The following DKK3 variants were observed in gnomAD, a reference collection of about 807,000 sequenced individuals.
DKK3 encodes dickkopf-related protein 3.
A neutral mutation model predicts 33.2 loss-of-function variants in DKK3; 22 were observed. The observed-to-expected ratio is 0.66, with a 90% CI of 0.47 to 0.95. The LOEUF is 0.95. DKK3 is among the 40% of genes least tolerant of loss of function. DKK3 has a pLI of 0.00. For synonymous variants in DKK3, 194 were observed against 188.8 expected (o/e 1.03, Z -0.23); for missense variants, 398 against 458.4 (o/e 0.87, Z 1.20).
intron 3 of DKK3, among the ~76,000 whole-genome samples, chr11:11,982,920 G>A (rs937406661): frequency 3.3e-5 from 5 of 152,220 alleles, no homozygotes; most frequent in Non-Finnish European, 5.9e-5. Flanking sequence ...CTGTTCACGG[G>A]ATTGGTTGTG....
upstream of DKK3, chr11:12,009,122 G>C: frequency 1.0e-6 from 1 of 984,858 alleles, no homozygotes; most frequent in Non-Finnish European, 1.2e-6. Context: ...CACCAAGAGA[G>C]GCTGAGCTCA....
intron 3 of DKK3, among the ~76,000 whole-genome samples, chr11:11,968,923 G>A (rs1475105046): frequency 6.6e-6 from 1 of 152,264 alleles, no homozygotes; most frequent in Non-Finnish European, 1.5e-5. Flanking sequence ...GGAGGCAGCA[G>A]AGGGGGCATC....
intron 5 of DKK3, 34 bp from the exon 6 acceptor site, chr11:11,965,999 C>T (rs543569184): frequency 1.4e-5 from 22 of 1,587,924 alleles, no homozygotes; most frequent in Admixed American, 3.5e-5. Context: ...CTGTGTGCCC[C>T]GTGTAGGGTA....
At chr11:12,009,479 G>T (rs1171932290), upstream of DKK3, 122 of 903,270 alleles carry the variant, frequency 1.4e-4, no homozygotes, top group Non-Finnish European at 1.5e-4. Context: ...CACGCCCCAC[G>T]CCCTCCTCTT....
At chr11:12,001,251 C>A (rs1457700774) in intron 2 of DKK3, among the ~76,000 whole-genome samples, 1 of 152,236 alleles carries the variant, frequency 6.6e-6, no homozygotes, top group Non-Finnish European at 1.5e-5. Context: ...TTATGTTCTG[C>A]TGGTAAACTC....
At chr11:11,985,040 G>A (rs1403243978) in intron 3 of DKK3, among the ~76,000 whole-genome samples, 1 of 152,188 alleles carries the variant, frequency 6.6e-6, no homozygotes, top group African/African-American at 2.4e-5. Context: ...GCTCACAAGA[G>A]GCCACGTCAA....
chr11:11,987,410 AC>A (rs1372803175), intron 3 of DKK3, among the ~76,000 whole-genome samples: 6 of 152,206 alleles, frequency 3.9e-5, no homozygotes, highest in African/African-American at 7.2e-5. Flanking sequence ...TTTGGAGAAA[AC>A]TACATCCCTC....
rs773238648 is a variant in DKK3 at position 12,002,313 on chromosome 11, C to T, written c.338G>A (p.Arg113Gln). The T allele has an allele frequency of 1.1e-5, 18 of 1,612,946 alleles. No homozygotes were observed. The highest frequency in any genetic ancestry group is 5.0e-5 in the Admixed American group (3 of 59,920). ...KVGNNTIHVH[R>Q]EIHKITNNQT... ...GCCATGACTTACCTTGTGAATTTCT[C>T]GGTGCACATGGATGGTATTATTTCC... Residue 113 changes from arginine (R) to glutamine (Q), a missense_variant, in exon 2 of 7, where the codon CGA (arginine) becomes CAA (glutamine). By Grantham distance (43) the Arg-to-Gln change is conservative (BLOSUM62 1). Coordinates refer to ENST00000683431, the MANE Select transcript of DKK3 (RefSeq NM_001018057.2).
At chr11:11,969,924 G>C (rs893122026) in intron 3 of DKK3, among the ~76,000 whole-genome samples, 2 of 152,222 alleles carry the variant, frequency 1.3e-5, no homozygotes, top group Non-Finnish European at 2.9e-5. Flanking sequence ...GAAAACCGAG[G>C]CTCCGAGTAG....
intron 3 of DKK3, among the ~76,000 whole-genome samples, chr11:11,986,629 T>C (rs1848076248): frequency 6.6e-6 from 1 of 152,082 alleles, no homozygotes; most frequent in Non-Finnish European, 1.5e-5. Context: ...AGGCTGGGGA[T>C]CAAAACAACT....
intron 4 of DKK3, among the ~76,000 whole-genome samples, chr11:11,967,438 G>GAGGCA (rs1219408084): frequency 6.6e-6 from 1 of 152,222 alleles, no homozygotes; most frequent in Non-Finnish European, 1.5e-5. Flanking sequence ...CAGGCCCAAA[G>GAGGCA]AGGCAAGGCC....
At chr11:12,006,777 G>A (rs1848545057) in intron 1 of DKK3, among the ~76,000 whole-genome samples, 1 of 152,212 alleles carries the variant, frequency 6.6e-6, no homozygotes, top group African/African-American at 2.4e-5. Context: ...GCTAACGTCA[G>A]AGGACCACGC....
upstream of DKK3, chr11:12,009,604 G>T (rs973501305): frequency 2.0e-6 from 2 of 985,820 alleles, no homozygotes; most frequent in African/African-American, 1.7e-5. Context: ...AGCCCACCGA[G>T]GTTGGGGGTA....
chr11:12,003,029 G>T (rs12575803), intron 1 of DKK3, among the ~76,000 whole-genome samples: 13,463 of 152,292 alleles, frequency 0.088, 760 homozygotes, highest in South Asian at 0.18. Context: ...TAGAATCTAC[G>T]TAGTCTCCCT....
Position 11,964,649 on chromosome 11 carries a change from C to T in DKK3, c.868G>A (p.Gly290Arg), listed in dbSNP as rs762657292. The stretch of plus-strand genomic sequence containing the variant: ...ATCTCCCCATCTTGGTCACGGCTCC[C>T]CACGAAGGTCGGCTTGCACACATAC... ...LVYVCKPTFV[G>R]SRDQDGEILL... The change falls in exon 7 of 7, where the codon GGG becomes AGG. Residue 290 changes from glycine to arginine, a missense_variant. By Grantham distance (125) the Gly-to-Arg change is moderately radical. Transcript: ENST00000683431. The T allele has an allele frequency of 2.5e-6, 4 of 1,614,062 alleles. No homozygotes were observed. In the South Asian group the frequency reaches 4.4e-5, roughly 18 times the overall value.
rs142896768 is a variant in DKK3 at position 11,991,562 on chromosome 11, C to CA, written c.435+7133dup. 3.1e-3 allele frequency among the ~76,000 whole-genome samples: 476 copies of CA among 151,872 alleles called. 4 individuals are homozygous for CA. The highest frequency in any genetic ancestry group is 0.01 in the African/African-American group (418 of 41,380). The stretch of plus-strand genomic sequence containing the variant: ...TAGTGAGACACTGTCTCTACAAAAA[C>CA]AAAAAAACAGAAAAAAGCCTGGCAC... On this transcript the variant is annotated intron_variant, in intron 3 of 6. Coordinates refer to ENST00000683431, the MANE Select transcript of DKK3 (RefSeq NM_001018057.2).
In DKK3 at chr11:12,002,589, T is replaced by C. The variant is rs1848453868; in HGVS notation, c.214-152A>G. On this transcript the variant is annotated intron_variant, in intron 1 of 6. Transcript: ENST00000683431. ...TAATTGAGTACTCACTATGATAAGA[T>C]ATTATACTAAACGTTTTACATATAT... 16 of 823,100 alleles carry C rather than the reference T, an allele frequency of 1.9e-5. No homozygotes were observed. In the East Asian group the frequency reaches 3.7e-4, roughly 19 times the overall value. 51.0% of individuals were successfully genotyped at this position (823,100 alleles called of 1,614,324 possible).
intron 2 of DKK3, among the ~76,000 whole-genome samples, chr11:12,001,385 A>G (rs1564924949): frequency 6.6e-6 from 1 of 152,186 alleles, no homozygotes; most frequent in Non-Finnish European, 1.5e-5. Flanking sequence ...ATAAAAATTG[A>G]TCCCCTGTGC....
In DKK3 at chr11:11,964,280, G is replaced by A; in HGVS notation, c.*184C>T. On this transcript the variant is annotated 3_prime_UTR_variant, in exon 7 of 7. Transcript: ENST00000683431. Reference sequence around the variant, plus strand: ...CTGACTCTCCCAAGCACCAGACTGTGAAGCCTGGAGAACAGCCTGGGGGAG... The same window carrying A: ...CTGACTCTCCCAAGCACCAGACTGTAAAGCCTGGAGAACAGCCTGGGGGAG... The A allele has an allele frequency of 1.3e-6, 1 of 762,464 alleles. No homozygotes were observed. Among genetic ancestry groups the A allele is most frequent in the Non-Finnish European group, 2.1e-6 (1 of 473,960 alleles). 47.2% of individuals were successfully genotyped at this position (762,464 alleles called of 1,614,324 possible). A position where few individuals can be genotyped will look rare whatever the true frequency, so the allele number is the denominator to read the frequency against.
Sources: allele counts gnomAD v4.1 joint callset (sites outside exome capture counted in the v4.1 genomes callset), GRCh38; gene constraint gnomAD v4.1.1; transcripts MANE v1.5; gene names NCBI Gene and HGNC (gene_info 2026-07-23, HGNC 2026-07-21).